Variants in KCNH7 observed in about 807,000 individuals in gnomAD.
The protein encoded by KCNH7 is potassium voltage-gated channel subfamily H member 7, also known as voltage-gated inwardly rectifying potassium channel KCNH7.
A neutral mutation model predicts 120.8 loss-of-function variants in KCNH7; 49 were observed. That is an observed-to-expected ratio of 0.41 (90% CI 0.32 to 0.51). The LOEUF is 0.51. Ranked by LOEUF, KCNH7 falls within the 20% of genes least tolerant of loss-of-function variation. The pLI is 0.38. For missense variants in KCNH7, 1,097 were observed against 1,446.6 expected, an observed-to-expected ratio of 0.76 and a Z score of 3.92; for synonymous variants, 547 against 516.1, an observed-to-expected ratio of 1.06 and a Z score of -0.81.
intron 6 of KCNH7, among the ~76,000 whole-genome samples, chr2:162,482,892 A>G (rs1369790305): frequency 6.6e-6 from 1 of 152,192 alleles, no homozygotes; most frequent in African/African-American, 2.4e-5. Flanking sequence ...ACTGAATGTC[A>G]TCTGTCAACG....
chr2:162,475,067 G>C (rs774448196), intron 6 of KCNH7, among the ~76,000 whole-genome samples: 11 of 152,172 alleles, frequency 7.2e-5, no homozygotes, highest in Non-Finnish European at 7.4e-5. Context: ...GGTAACAAAG[G>C]CTTGTTGTCT....
At chr2:162,373,136 G>T (rs1686024471) in intron 15 of KCNH7, among the ~76,000 whole-genome samples, 1 of 152,078 alleles carries the variant, frequency 6.6e-6, no homozygotes, top group Admixed American at 6.6e-5. Context: ...CCTTTTAAGA[G>T]CCAGGAAGAC....
intron 10 of KCNH7, 76 bp from the exon 11 acceptor site, chr2:162,397,021 G>T: frequency 1.0e-6 from 1 of 960,160 alleles, no homozygotes; most frequent in Non-Finnish European, 1.6e-6. Flanking sequence ...GTAGAAGGGG[G>T]TCATTAAACA....
At chr2:162,392,934 G>A (rs2105429920) in intron 12 of KCNH7, among the ~76,000 whole-genome samples, 1 of 152,006 alleles carries the variant, frequency 6.6e-6, no homozygotes, top group Admixed American at 6.6e-5. Context: ...AGATGAGAGA[G>A]GGGCAAGTTG....
chr2:162,435,056 G>T, intron 8 of KCNH7, 142 bp downstream of exon 8: 2 of 730,572 alleles, frequency 2.7e-6, no homozygotes, highest in South Asian at 4.9e-5. Flanking sequence ...AGATTTGATG[G>T]AATACAGTAC....
rs542593110 is a variant in KCNH7 at position 162,388,283 on chromosome 2, G to A, written c.2711-3344C>T. On this transcript the variant is annotated intron_variant, in intron 12 of 15. Coordinates refer to ENST00000332142, the MANE Select transcript of KCNH7 (RefSeq NM_033272.4). ...ATAAATTCTGGAGCTCTATTCTACAGTATGGTAACAATAGTAAATGTATTA... is the reference window on the plus strand; with the variant it reads ...ATAAATTCTGGAGCTCTATTCTACAATATGGTAACAATAGTAAATGTATTA... Among the ~76,000 whole-genome samples the A allele has an allele frequency of 5.9e-5, 9 of 151,838 alleles. No individual in the cohort carries two copies. The South Asian group carries it at 1.7e-3, about 28-fold the overall frequency.
At chr2:162,419,165 TTACC>T (rs1687625718) in intron 9 of KCNH7, among the ~76,000 whole-genome samples, 1 of 151,262 alleles carries the variant, frequency 6.6e-6, no homozygotes, top group Admixed American at 6.6e-5. Context: ...TAAGAAAAAC[TTACC>T]TATCCCCTAT....
At chr2:162,650,679 A>T (rs1343783363) in intron 2 of KCNH7, among the ~76,000 whole-genome samples, 3 of 150,972 alleles carry the variant, frequency 2.0e-5, no homozygotes. Flanking sequence ...ATGGAAACTA[A>T]CTCAGTTGCC....
At chr2:162,641,337 C>G (rs1684149648) in intron 2 of KCNH7, among the ~76,000 whole-genome samples, 4 of 152,104 alleles carry the variant, frequency 2.6e-5, no homozygotes. Context: ...AAATGAACTA[C>G]TGATATATGC....
At position 162,736,203 on chromosome 2, in the gene KCNH7, C is replaced by A. The variant is rs532363760; in HGVS notation, c.307+100334G>T. ...AAGGATTGGCACACTGACTAAAAAT[C>A]CTGTTTGGACTAAGAAAACTTCTCA... On this transcript the variant is annotated intron_variant, in intron 2 of 15. Transcript: ENST00000332142. Among the ~76,000 whole-genome samples the A allele has an allele frequency of 2.0e-5, 3 of 152,270 alleles. No homozygotes were observed. The South Asian group carries it at 6.2e-4, about 32-fold the overall frequency.
Position 162,832,131 on chromosome 2 carries a change from A to G in KCNH7, c.307+4406T>C, listed in dbSNP as rs565886877. Reference sequence around the variant, plus strand: ...GTTGTTGCAATAGTCTATTGAATAGAATGTAAAAATGTATAAACAGAAAGT... The same window carrying G: ...GTTGTTGCAATAGTCTATTGAATAGGATGTAAAAATGTATAAACAGAAAGT... On this transcript the variant is annotated intron_variant, in intron 2 of 15. Coordinates refer to ENST00000332142, the MANE Select transcript of KCNH7 (RefSeq NM_033272.4). 9.2e-5 allele frequency among the ~76,000 whole-genome samples: 14 copies of G among 152,246 alleles called. No individual in the cohort carries two copies. In the East Asian group the frequency reaches 2.7e-3, roughly 29 times the overall value.
intron 6 of KCNH7, among the ~76,000 whole-genome samples, chr2:162,458,644 A>G (rs1362042725): frequency 6.6e-6 from 1 of 152,168 alleles, no homozygotes; most frequent in African/African-American, 2.4e-5. Flanking sequence ...CACTTAGCAT[A>G]CTAGCTCATG....
intron 2 of KCNH7, among the ~76,000 whole-genome samples, chr2:162,605,357 T>G (rs1574159592): frequency 6.6e-6 from 1 of 152,126 alleles, no homozygotes; most frequent in East Asian, 1.9e-4. Context: ...AGGCTAGAGT[T>G]CACCTTTAGA....
chr2:162,616,904 G>A (rs1002157957), intron 2 of KCNH7, among the ~76,000 whole-genome samples: 1 of 152,078 alleles, frequency 6.6e-6, no homozygotes, highest in Non-Finnish European at 1.5e-5. Context: ...TTAAAGAGGA[G>A]CCTTCAGTCA....
chr2:162,472,638 G>A (rs1434268113), intron 6 of KCNH7, among the ~76,000 whole-genome samples: 1 of 152,190 alleles, frequency 6.6e-6, no homozygotes, highest in South Asian at 2.1e-4. Context: ...TACACTGTTG[G>A]TGGGACTGTA....
chr2:162,539,595 A>G (rs1692234142), intron 2 of KCNH7, among the ~76,000 whole-genome samples: 1 of 147,636 alleles, frequency 6.8e-6, no homozygotes, highest in Non-Finnish European at 1.5e-5. Context: ...CTGAATTACT[A>G]AAAATCATAG....
intron 2 of KCNH7, among the ~76,000 whole-genome samples, chr2:162,717,699 C>T (rs1687177058): frequency 6.6e-6 from 1 of 152,064 alleles, no homozygotes; most frequent in African/African-American, 2.4e-5. Flanking sequence ...ATATTAGTCA[C>T]CACGTATTTA....
chr2:162,644,071 GC>G, intron 2 of KCNH7, among the ~76,000 whole-genome samples: 1 of 151,946 alleles, frequency 6.6e-6, no homozygotes, highest in African/African-American at 2.4e-5. Context: ...TTTCTTACCT[GC>G]TTTTCCCTCC....
At chr2:162,506,075 T>C (rs1372504658) in intron 5 of KCNH7, among the ~76,000 whole-genome samples, 2 of 151,942 alleles carry the variant, frequency 1.3e-5, no homozygotes, top group South Asian at 2.1e-4. Context: ...TAACAAATAC[T>C]GTGTTTCTTG....
Sources: gnomAD v4.1 joint callset for allele counts (sites outside exome capture counted in the v4.1 genomes callset) on GRCh38, gnomAD v4.1.1 for gene constraint, MANE v1.5 for transcripts, NCBI Gene and HGNC (gene_info 2026-07-23, HGNC 2026-07-21) for gene names.